Variants in CAPZA2 observed in about 807,000 individuals in gnomAD.
CAPZA2 encodes the protein F-actin-capping protein subunit alpha-2.
CAPZA2 carries 13 observed loss-of-function variants against 44.0 expected under a neutral mutation model. That is an observed-to-expected ratio of 0.30 (90% confidence interval 0.19 to 0.47). The LOEUF is 0.47. Among genes scored for constraint, CAPZA2 ranks in the 20% least tolerant of loss-of-function variants. The probability of loss-of-function intolerance (pLI) is 1.00; values close to 1 mark genes in which losing one functional copy is unlikely to be tolerated. For missense variants in CAPZA2, 244 were observed against 338.6 expected (o/e 0.72, Z 2.19); for synonymous variants, 94 against 108.2 (o/e 0.87, Z 0.81).
chr7:116,870,330 A>G lies in CAPZA2; in HGVS notation c.39+7680A>G, dbSNP rs184665193. 2.1e-3 allele frequency among the ~76,000 whole-genome samples: 319 copies of G among 152,342 alleles called. 1 individual carries two copies. The highest frequency in any genetic ancestry group is 2.0e-3 in the Non-Finnish European group (137 of 68,024). On this transcript the variant is annotated intron_variant, in intron 1 of 9. Transcript: ENST00000361183. ...GGTCAAGCTCATACCAGAGAGCACA[A>G]CATAGGGAAAAATAACAGGAAAGTG...
chr7:116,896,158 T>C (rs1359608399), intron 3 of CAPZA2, among the ~76,000 whole-genome samples: 1 of 152,188 alleles, frequency 6.6e-6, no homozygotes, highest in Admixed American at 6.5e-5. Flanking sequence ...GCCTTGTTGC[T>C]TTATCTCCTT....
At chr7:116,905,696 G>A (rs559576266) in intron 5 of CAPZA2, among the ~76,000 whole-genome samples, 1 of 152,322 alleles carries the variant, frequency 6.6e-6, no homozygotes, top group South Asian at 2.1e-4. Flanking sequence ...TTGTTAGAGA[G>A]TCCTCATTTA....
intron 5 of CAPZA2, among the ~76,000 whole-genome samples, chr7:116,905,272 G>A (rs1336688908): frequency 1.3e-5 from 2 of 151,970 alleles, no homozygotes; most frequent in South Asian, 2.1e-4. Context: ...TGCTTCAGTG[G>A]CCTTTTCCAT....
In CAPZA2 at chr7:116,890,524, AAATATATATATAT is replaced by A. The variant is rs1796820512; in HGVS notation, c.103+2336_103+2348del. On this transcript the variant is annotated intron_variant, in intron 2 of 9. Coordinates refer to ENST00000361183, the MANE Select transcript of CAPZA2 (RefSeq NM_006136.3). ...TGTCTCTACTTAAAAAAAAAAAAAA[AAATATATATATAT>A]ATATATATATATATATATATATATA... is the stretch of plus-strand genomic sequence containing the variant. 9.7e-4 allele frequency among the ~76,000 whole-genome samples: 29 copies of A among 29,818 alleles called. 1 individual carries two copies. Among genetic ancestry groups the A allele is most frequent in the East Asian group, 4.9e-3 (3 of 614 alleles). 19.6% of individuals were successfully genotyped at this position (29,818 alleles called of 152,430 possible).
chr7:116,886,500 A>G (rs536746194), intron 1 of CAPZA2, among the ~76,000 whole-genome samples: 1 of 152,192 alleles, frequency 6.6e-6, no homozygotes, highest in Non-Finnish European at 1.5e-5. Flanking sequence ...ACAAACACAC[A>G]CAGCCATTTC....
At chr7:116,883,310 G>A (rs1796723288) in intron 1 of CAPZA2, among the ~76,000 whole-genome samples, 1 of 151,878 alleles carries the variant, frequency 6.6e-6, no homozygotes, top group Non-Finnish European at 1.5e-5. Flanking sequence ...TTAGAAATGA[G>A]CTAGAATAAA....
chr7:116,880,625 G>A (rs974814128), intron 1 of CAPZA2, among the ~76,000 whole-genome samples: 3 of 140,664 alleles, frequency 2.1e-5, no homozygotes, highest in South Asian at 2.4e-4. Flanking sequence ...TTGAACTCCT[G>A]ACCTCAAGTG....
intron 1 of CAPZA2, among the ~76,000 whole-genome samples, chr7:116,868,366 G>C (rs1017069030): frequency 2.0e-5 from 3 of 152,112 alleles, no homozygotes; most frequent in Non-Finnish European, 4.4e-5. Context: ...TCAGTGACTG[G>C]CTTCAGAAAT....
intron 8 of CAPZA2, 69 bp downstream of exon 8, chr7:116,912,209 A>T: frequency 6.3e-7 from 1 of 1,578,006 alleles, no homozygotes; most frequent in South Asian, 1.2e-5. Context: ...TTTGGAATGA[A>T]CATTTTAAGT....
Position 116,904,450 on chromosome 7 carries a change from A to G in CAPZA2, c.426+67A>G, listed in dbSNP as rs1791458733. 4 of 900,342 alleles carry G rather than the reference A, an allele frequency of 4.4e-6. No individual in the cohort carries two copies. In the South Asian group the frequency reaches 6.1e-5, roughly 14 times the overall value. 55.8% of individuals were successfully genotyped at this position (900,342 alleles called of 1,614,324 possible). ...ATGTGAGTCTTTAGCGTCTCTTAAA[A>G]TTTACAGTAACTTACAGAATTGACA... On this transcript the variant is annotated intron_variant, in intron 5 of 9. Transcript: ENST00000361183.
chr7:116,908,412 G>C (rs1791544885), intron 6 of CAPZA2, among the ~76,000 whole-genome samples: 1 of 152,018 alleles, frequency 6.6e-6, no homozygotes, highest in Non-Finnish European at 1.5e-5. Flanking sequence ...CAGTATTAGG[G>C]GCTTAATATA....
chr7:116,880,843 G>A (rs1328323186), intron 1 of CAPZA2, among the ~76,000 whole-genome samples: 1 of 150,432 alleles, frequency 6.6e-6, no homozygotes, highest in Non-Finnish European at 1.5e-5. Flanking sequence ...GAGTAGCTGG[G>A]ATTACAGGTG....
At chr7:116,900,989 A>G (rs952107179) in intron 4 of CAPZA2, among the ~76,000 whole-genome samples, 2 of 152,162 alleles carry the variant, frequency 1.3e-5, no homozygotes, top group Admixed American at 1.3e-4. Flanking sequence ...CAGAATGGCT[A>G]TTATTAGAAA....
intron 1 of CAPZA2, among the ~76,000 whole-genome samples, chr7:116,867,412 C>G (rs543604628): frequency 3.8e-4 from 58 of 152,158 alleles, no homozygotes; most frequent in Middle Eastern, 3.2e-3. Flanking sequence ...ATTTTAGTGC[C>G]TGGATCCTCC....
rs1470998025 is a variant in CAPZA2, at chr7:116,919,083, A to G, written c.*1216A>G. 1 of 148,964 alleles carries G rather than the reference A, an allele frequency of 6.7e-6. No individual in the cohort carries two copies. The highest frequency in any genetic ancestry group is 1.5e-5 in the Non-Finnish European group (1 of 67,072). 9.2% of individuals were successfully genotyped at this position (148,964 alleles called of 1,614,324 possible). ...GTCTGGGCCTGGAAATTTTTTTTTT[A>G]TTTTATTTTATTGTTTTTTTTTTTA... On this transcript the variant is annotated 3_prime_UTR_variant, in exon 10 of 10. Coordinates refer to ENST00000361183, the MANE Select transcript of CAPZA2 (RefSeq NM_006136.3).
Position 116,921,979 on chromosome 7 carries a change from C to T in CAPZA2, c.*4112C>T, listed in dbSNP as rs536869949. On this transcript the variant is annotated 3_prime_UTR_variant, in exon 10 of 10. Coordinates refer to ENST00000361183, the MANE Select transcript of CAPZA2 (RefSeq NM_006136.3). ...TTATATAAATATGCAGATATTCATG[C>T]GGCTTTTCCTCATTTGGGATTTTGG... 8 of 152,096 alleles carry T rather than the reference C, an allele frequency of 5.3e-5. No homozygotes were observed. The highest frequency in any genetic ancestry group is 7.4e-5 in the Non-Finnish European group (5 of 68,010). 9.4% of individuals were successfully genotyped at this position (152,096 alleles called of 1,614,324 possible).
At chr7:116,869,663 C>G (rs1199417245) in intron 1 of CAPZA2, among the ~76,000 whole-genome samples, 1 of 152,174 alleles carries the variant, frequency 6.6e-6, no homozygotes, top group Non-Finnish European at 1.5e-5. Context: ...AACAAAACTC[C>G]TAAAATCTCA....
At chr7:116,902,376 A>G (rs933373251) in intron 4 of CAPZA2, among the ~76,000 whole-genome samples, 40 of 152,190 alleles carry the variant, frequency 2.6e-4, no homozygotes, top group African/African-American at 9.6e-4. Context: ...TTATAAATTG[A>G]TAAGAAAAAG....
At position 116,910,267 on chromosome 7, in the gene CAPZA2, A is replaced by G. The variant is rs141641730; in HGVS notation, c.541A>G (p.Ile181Val). The G allele has an allele frequency of 3.4e-4, 538 of 1,603,248 alleles. 3 individuals are homozygous for G. The African/African-American group carries it at 6.3e-3, about 19-fold the overall frequency. ...TTGGAGGTCAGAATGGAAGTTTACA[A>G]TCACTCCTTCAACCACTCAAGTGGT... ...GRWRSEWKFT[I>V]TPSTTQVVGI... The change falls in exon 7 of 10, where the codon ATC (isoleucine) becomes GTC (valine). Residue 181 changes from isoleucine to valine, a missense_variant. By Grantham distance (29) the Ile-to-Val change is conservative. Transcript: ENST00000361183.
Sources: gnomAD v4.1 joint callset for allele counts (sites outside exome capture counted in the v4.1 genomes callset) on GRCh38, gnomAD v4.1.1 for gene constraint, MANE v1.5 for transcripts, NCBI Gene and HGNC (gene_info 2026-07-23, HGNC 2026-07-21) for gene names.